The following TSHZ1 variants were observed in gnomAD, a reference collection of about 807,000 sequenced individuals.
TSHZ1 encodes the protein teashirt zinc finger homeobox 1, also known as teashirt homolog 1.
Under a neutral mutation model 67.1 loss-of-function variants are expected in TSHZ1, and 12 were observed. The ratio of observed to expected loss-of-function variants is 0.18; its 90% CI spans 0.11 to 0.29. The LOEUF (loss-of-function observed/expected upper bound fraction) is 0.29, where lower values mean the gene tolerates loss of function less well. Ranked by LOEUF, TSHZ1 falls within the 10% of genes least tolerant of loss-of-function variation. The probability of loss-of-function intolerance (pLI) is 1.00; values close to 1 mark genes in which losing one functional copy is unlikely to be tolerated. For missense variants in TSHZ1, 1,305 were observed against 1,413.9 expected (o/e 0.92, Z 1.23); for synonymous variants, 632 against 622.4 (o/e 1.02, Z -0.23).
intron 1 of TSHZ1, among the ~76,000 whole-genome samples, chr18:75,263,372 C>T (rs548060310): frequency 2.6e-5 from 4 of 152,248 alleles, no homozygotes; most frequent in East Asian, 3.9e-4. Context: ...TTCTCAGTCT[C>T]GTAGAGACAT....
intron 1 of TSHZ1, chr18:75,245,227 G>C (rs2023207834): frequency 6.6e-6 from 1 of 152,038 alleles, no homozygotes; most frequent in African/African-American, 2.4e-5. Context: ...TTTGCCTTCA[G>C]GTAAAAAAGA....
chr18:75,250,678 C>T (rs1192284219), intron 1 of TSHZ1, among the ~76,000 whole-genome samples: 3 of 152,214 alleles, frequency 2.0e-5, no homozygotes, highest in South Asian at 2.1e-4. Flanking sequence ...AGTGCATCTC[C>T]CCTCTGAGAG....
Position 75,286,472 on chromosome 18 carries a change from G to T in TSHZ1, c.1065G>T (p.Ala355=). 1 of 1,614,180 alleles carries T rather than the reference G, an allele frequency of 6.2e-7. No individual in the cohort carries two copies. Among genetic ancestry groups the T allele is most frequent in the East Asian group, 2.2e-5 (1 of 44,874 alleles). ...TKLVPSTKKR[A]LQDLAPPCSP... is the part of the protein sequence containing the mutation. The stretch of plus-strand genomic sequence containing the variant: ...TGGTCCCCTCCACCAAAAAGCGGGC[G>T]CTTCAGGACCTGGCGCCCCCCTGCT... The change falls in exon 2 of 2, where the codon GCG becomes GCT. Residue 355 remains alanine, a synonymous_variant. Coordinates refer to ENST00000580243, the MANE Select transcript of TSHZ1 (RefSeq NM_001308210.2). The surrounding 1 kb of genome is among the most constrained non-coding windows in gnomAD (Gnocchi z 5.1).
At chr18:75,227,452 T>C (rs566392701) in intron 1 of TSHZ1, among the ~76,000 whole-genome samples, 144 of 152,208 alleles carry the variant, frequency 9.5e-4, no homozygotes, top group African/African-American at 3.3e-3. Context: ...CCCCAGATTG[T>C]TTACTTTTTA....
intron 1 of TSHZ1, among the ~76,000 whole-genome samples, chr18:75,215,526 T>A (rs745601686): frequency 6.6e-6 from 1 of 152,206 alleles, no homozygotes; most frequent in Non-Finnish European, 1.5e-5. Context: ...TAGAAATGGA[T>A]GTTTAGATTC....
At chr18:75,284,882 G>A (rs954156870) in intron 1 of TSHZ1, 3 of 152,302 alleles carry the variant, frequency 2.0e-5, no homozygotes, top group Admixed American at 1.3e-4. Flanking sequence ...AGCCCCATGC[G>A]GGTGGCGCTT....
In TSHZ1 at chr18:75,237,791, C is replaced by CATTTATTTATTT. The variant is rs1555726446; in HGVS notation, c.40+25900_40+25911dup. ...AATTAGACTGAAGCCTTCTTTCTTTCATTTATTTATTTATTTATTTATTTA... is the reference window on the plus strand; with the variant it reads ...AATTAGACTGAAGCCTTCTTTCTTTCATTTATTTATTTATTTATTTATTTATTTATTTATTTA... On this transcript the variant is annotated intron_variant, in intron 1 of 1. Transcript: ENST00000580243. Among the ~76,000 whole-genome samples the CATTTATTTATTT allele has an allele frequency of 7.1e-3, 1,014 of 143,546 alleles. 6 individuals are homozygous for CATTTATTTATTT. The highest frequency in any genetic ancestry group is 0.021 in the African/African-American group (767 of 36,606). 94.2% of individuals were successfully genotyped at this position (143,546 alleles called of 152,430 possible).
intron 1 of TSHZ1, among the ~76,000 whole-genome samples, chr18:75,221,914 C>T (rs79359979): frequency 0.11 from 17,372 of 151,892 alleles, 1,200 homozygotes; most frequent in African/African-American, 0.18. Context: ...AGAATATATA[C>T]ATATGTATAT....
In TSHZ1 at chr18:75,287,018, T is replaced by G. The variant is rs752859220; in HGVS notation, c.1611T>G (p.Arg537=). ...FEPSTLYPYL[R]EEDLDDSPKG... ...CCAGCACCCTGTACCCGTACCTGCG[T>G]GAGGAGGACCTGGACGACAGCCCCA... Residue 537 remains arginine, a synonymous_variant, in exon 2 of 2, where the codon CGT becomes CGG. Coordinates refer to ENST00000580243, the MANE Select transcript of TSHZ1 (RefSeq NM_001308210.2). The surrounding 1 kb of genome is among the most constrained non-coding windows in gnomAD (Gnocchi z 5.0). 16 of 1,613,846 alleles carry G rather than the reference T, an allele frequency of 9.9e-6. No homozygotes were observed. Among genetic ancestry groups the G allele is most frequent in the African/African-American group, 1.3e-5 (1 of 74,912 alleles).
At chr18:75,250,488 C>T (rs890915235) in intron 1 of TSHZ1, among the ~76,000 whole-genome samples, 3 of 152,232 alleles carry the variant, frequency 2.0e-5, no homozygotes, top group African/African-American at 7.2e-5. Context: ...CCTGCCCTCC[C>T]CGCGTGGACG....
At chr18:75,278,770 G>A (rs1027352600) in intron 1 of TSHZ1, among the ~76,000 whole-genome samples, 7 of 152,134 alleles carry the variant, frequency 4.6e-5, no homozygotes, top group South Asian at 4.1e-4. Context: ...GTGGTCGTCC[G>A]GAGGTGGTGC....
At chr18:75,265,181 A>G (rs758603634) in intron 1 of TSHZ1, among the ~76,000 whole-genome samples, 7 of 152,210 alleles carry the variant, frequency 4.6e-5, no homozygotes, top group Non-Finnish European at 7.3e-5. Context: ...TAAAGCAAAA[A>G]AAGAAAAAAG....
In TSHZ1 at chr18:75,288,881, C is replaced by A; in HGVS notation, c.*240C>A. On this transcript the variant is annotated 3_prime_UTR_variant, in exon 2 of 2. Coordinates refer to ENST00000580243, the MANE Select transcript of TSHZ1 (RefSeq NM_001308210.2). The surrounding 1 kb of genome is among the most constrained non-coding windows in gnomAD (Gnocchi z 4.9). ...TTCAACATCTGTTCTTGGTGTTAAG[C>A]TATCTTTTGTAGGAAATAGTGGGGC... 1 of 491,822 alleles carries A rather than the reference C, an allele frequency of 2.0e-6. No individual in the cohort carries two copies. The highest frequency in any genetic ancestry group is 3.3e-6 in the Non-Finnish European group (1 of 300,994). 30.5% of individuals were successfully genotyped at this position (491,822 alleles called of 1,614,324 possible). A position where few individuals can be genotyped will look rare whatever the true frequency, so the allele number is the denominator to read the frequency against.
intron 1 of TSHZ1, among the ~76,000 whole-genome samples, chr18:75,265,213 TTGAG>T (rs2023476234): frequency 6.6e-6 from 1 of 152,226 alleles, no homozygotes; most frequent in Non-Finnish European, 1.5e-5. Flanking sequence ...AAATTTGTCT[TTGAG>T]TGGAATGTTT....
intron 1 of TSHZ1, among the ~76,000 whole-genome samples, chr18:75,250,754 A>C (rs2023292063): frequency 6.6e-6 from 1 of 152,250 alleles, no homozygotes; most frequent in African/African-American, 2.4e-5. Flanking sequence ...GATGAAGGCC[A>C]CAGGTCACCC....
At position 75,275,319 on chromosome 18, in the gene TSHZ1, A is replaced by G. The variant is rs532270070; in HGVS notation, c.41-10129A>G. 8.0e-4 allele frequency among the ~76,000 whole-genome samples: 121 copies of G among 152,198 alleles called. 1 individual carries two copies. Among genetic ancestry groups the G allele is most frequent in the African/African-American group, 2.8e-3 (115 of 41,512 alleles). ...CCCTTGGAAAGGCCTGTAGAAGTTC[A>G]CCTTTTTGGAATAAACTTTGTGTTA... is the stretch of plus-strand genomic sequence containing the variant. On this transcript the variant is annotated intron_variant, in intron 1 of 1. Transcript: ENST00000580243.
chr18:75,256,620 T>C (rs1361906220), intron 1 of TSHZ1, among the ~76,000 whole-genome samples: 1 of 152,238 alleles, frequency 6.6e-6, no homozygotes, highest in Non-Finnish European at 1.5e-5. Flanking sequence ...TCTATAAATA[T>C]CTTCATATAA....
rs763720411 is a variant in TSHZ1 at position 75,285,716 on chromosome 18, C to T, written c.309C>T (p.Pro103=). ...SREEKEDPQC[P]DSVSYPQDSL... is the part of the protein sequence containing the mutation. ...AAGAGAAGGAGGATCCGCAGTGTCC[C>T]GACAGCGTCTCGTACCCCCAGGACA... Residue 103 remains proline (P), a synonymous_variant, in exon 2 of 2, where the codon CCC becomes CCT. Coordinates refer to ENST00000580243, the MANE Select transcript of TSHZ1 (RefSeq NM_001308210.2). 9.9e-6 allele frequency: 16 copies of T among 1,613,922 alleles called. No homozygotes were observed. Among genetic ancestry groups the T allele is most frequent in the South Asian group, 4.4e-5 (4 of 91,072 alleles).
At chr18:75,274,711 C>T (rs2023596507) in intron 1 of TSHZ1, among the ~76,000 whole-genome samples, 1 of 152,294 alleles carries the variant, frequency 6.6e-6, no homozygotes, top group Non-Finnish European at 1.5e-5. Context: ...CTTTGTCTGT[C>T]TGTCTCTCTC....
Sources: gnomAD v4.1 joint callset for allele counts (sites outside exome capture counted in the v4.1 genomes callset) on GRCh38, gnomAD v4.1.1 for gene constraint, Gnocchi (gnomAD v3.1) non-coding constraint, MANE v1.5 for transcripts, NCBI Gene and HGNC (gene_info 2026-07-23, HGNC 2026-07-21) for gene names.